LURAP1L: variants seen among roughly 807,000 people sequenced by gnomAD.
LURAP1L encodes the protein leucine rich adaptor protein 1 like.
LURAP1L carries 12 observed loss-of-function variants against 13.8 expected under a neutral mutation model. That is an observed-to-expected ratio of 0.87 (90% CI 0.56 to 1.41). LURAP1L has a LOEUF of 1.41. Among genes scored for constraint, LURAP1L ranks in the 40% most tolerant of loss-of-function variants. The probability of loss-of-function intolerance (pLI) is 0.00; values close to 1 mark genes in which losing one functional copy is unlikely to be tolerated. For missense variants in LURAP1L, 375 were observed against 292.9 expected (o/e 1.28, Z -2.04); for synonymous variants, 139 against 119.2 (o/e 1.17, Z -1.08).
chr9:12,822,418 T>C lies in LURAP1L; in HGVS notation c.*658T>C, dbSNP rs1480296280. ...CAGTGATTCTAACTCAAATCATATG[T>C]TTATTTGTGTAATAAAATGTATTAT... On this transcript the variant is annotated 3_prime_UTR_variant, in exon 2 of 2. Transcript: ENST00000319264. 1.3e-5 allele frequency among the ~76,000 whole-genome samples: 2 copies of C among 152,220 alleles called. No individual in the cohort carries two copies. Among genetic ancestry groups the C allele is most frequent in the Non-Finnish European group, 2.9e-5 (2 of 68,032 alleles).
At chr9:12,820,566 C>A (rs373734581) in intron 1 of LURAP1L, among the ~76,000 whole-genome samples, 1 of 138,146 alleles carries the variant, frequency 7.2e-6, no homozygotes, top group African/African-American at 2.7e-5. Context: ...AATTCTCAGA[C>A]CTTCCCAACA....
chr9:12,821,438 A>G lies in LURAP1L; in HGVS notation c.365A>G (p.Asn122Ser). ...VRLMRQLLVI[N>S]ESIESIKWMI... ...CTCATGCGCCAGTTGCTTGTAATCA[A>G]TGAGAGCATCGAGTCCATCAAGTGG... The change falls in exon 2 of 2, where the codon AAT (asparagine) becomes AGT (serine). Residue 122 changes from asparagine (N) to serine (S), a missense_variant. Transcript: ENST00000319264. 1.2e-6 allele frequency: 2 copies of G among 1,614,138 alleles called. No individual in the cohort carries two copies. Among genetic ancestry groups the G allele is most frequent in the Non-Finnish European group, 1.7e-6 (2 of 1,180,018 alleles).
rs145671197 is a variant in LURAP1L, at chr9:12,821,594, T to C, written c.521T>C (p.Leu174Pro). The C allele has an allele frequency of 1.3e-5, 21 of 1,614,068 alleles. No homozygotes were observed. The African/African-American group carries it at 2.5e-4, about 19-fold the overall frequency. Reference protein sequence around the residue: ...YNSLHDGSDGLDGISVGSYLD... With the variant: ...YNSLHDGSDGPDGISVGSYLD... Reference sequence around the variant, plus strand: ...AGCCTACACGATGGCAGTGATGGGCTGGATGGCATTTCCGTGGGAAGTTAT... The same window carrying C: ...AGCCTACACGATGGCAGTGATGGGCCGGATGGCATTTCCGTGGGAAGTTAT... The change falls in exon 2 of 2, where the codon CTG (leucine) becomes CCG (proline). Residue 174 changes from leucine (L) to proline (P), a missense_variant. Coordinates refer to ENST00000319264, the MANE Select transcript of LURAP1L (RefSeq NM_203403.2).
intron 1 of LURAP1L, among the ~76,000 whole-genome samples, chr9:12,814,809 T>G (rs989950313): frequency 3.1e-4 from 47 of 152,320 alleles, no homozygotes; most frequent in African/African-American, 9.6e-4. Flanking sequence ...TATAACGTTC[T>G]GGGAAAAGAG....
intron 1 of LURAP1L, among the ~76,000 whole-genome samples, chr9:12,813,107 A>G (rs372497276): frequency 3.8e-4 from 58 of 152,264 alleles, no homozygotes; most frequent in African/African-American, 1.4e-3. Flanking sequence ...AAATGCAATC[A>G]ATTAAGTAAA....
intron 1 of LURAP1L, among the ~76,000 whole-genome samples, chr9:12,816,799 T>C (rs987541018): frequency 1.3e-5 from 2 of 152,098 alleles, no homozygotes; most frequent in Non-Finnish European, 2.9e-5. Flanking sequence ...AGCTGAACCA[T>C]ATGACATAAA....
intron 1 of LURAP1L, among the ~76,000 whole-genome samples, chr9:12,784,129 A>G (rs2118469689): frequency 6.6e-6 from 1 of 152,210 alleles, no homozygotes; most frequent in Middle Eastern, 3.4e-3. Flanking sequence ...TAGCTTCCCA[A>G]ACCAGCTATT....
At chr9:12,815,761 C>T (rs986250903) in intron 1 of LURAP1L, among the ~76,000 whole-genome samples, 4 of 152,038 alleles carry the variant, frequency 2.6e-5, no homozygotes, top group Non-Finnish European at 5.9e-5. Flanking sequence ...AAAAAATGTC[C>T]CTATTTGGAA....
At chr9:12,793,685 T>C (rs1399881645) in intron 1 of LURAP1L, among the ~76,000 whole-genome samples, 1 of 152,078 alleles carries the variant, frequency 6.6e-6, no homozygotes, top group South Asian at 2.1e-4. Flanking sequence ...ATGACCATTG[T>C]GCATTATGAT....
At chr9:12,780,269 T>C (rs1453166463) in intron 1 of LURAP1L, among the ~76,000 whole-genome samples, 1 of 152,202 alleles carries the variant, frequency 6.6e-6, no homozygotes, top group African/African-American at 2.4e-5. Flanking sequence ...TCTCAAATGA[T>C]ATCAGTTGCA....
intron 1 of LURAP1L, among the ~76,000 whole-genome samples, chr9:12,796,345 T>C (rs543883263): frequency 6.6e-6 from 1 of 152,192 alleles, no homozygotes; most frequent in South Asian, 2.1e-4. Flanking sequence ...AAAAATTTTA[T>C]TCAAGCATTT....
chr9:12,803,820 C>G (rs188426801), intron 1 of LURAP1L, among the ~76,000 whole-genome samples: 52 of 152,224 alleles, frequency 3.4e-4, no homozygotes, highest in Admixed American at 1.4e-3. Flanking sequence ...AGAGATAAAG[C>G]ATAAAAATTT....
intron 1 of LURAP1L, among the ~76,000 whole-genome samples, chr9:12,804,995 T>C (rs1176095054): frequency 6.6e-6 from 1 of 152,126 alleles, no homozygotes; most frequent in African/African-American, 2.4e-5. Flanking sequence ...AAATTTAAGA[T>C]TAACTAATGT....
At chr9:12,804,931 C>CA (rs1819636181) in intron 1 of LURAP1L, among the ~76,000 whole-genome samples, 1 of 152,020 alleles carries the variant, frequency 6.6e-6, no homozygotes, top group Non-Finnish European at 1.5e-5. Flanking sequence ...TATTGGAACA[C>CA]AAACATGCTC....
chr9:12,817,544 G>A (rs1049833511), intron 1 of LURAP1L, among the ~76,000 whole-genome samples: 1 of 152,166 alleles, frequency 6.6e-6, no homozygotes, highest in East Asian at 1.9e-4. Flanking sequence ...CATGGGTATT[G>A]CATATTATGA....
chr9:12,792,055 C>A lies in LURAP1L; in HGVS notation c.312+16028C>A, dbSNP rs1490796750. Among the ~76,000 whole-genome samples the A allele has an allele frequency of 3.3e-5, 5 of 152,106 alleles. No homozygotes were observed. In the East Asian group the frequency reaches 9.6e-4, roughly 29 times the overall value. On this transcript the variant is annotated intron_variant, in intron 1 of 1. Transcript: ENST00000319264. The stretch of plus-strand genomic sequence containing the variant: ...AGCATAGGAGGGTTGATTAGAAGAA[C>A]ATGCCTTTAATTTCTCACCTTTCTA...
intron 1 of LURAP1L, among the ~76,000 whole-genome samples, chr9:12,793,170 C>T (rs552619800): frequency 6.6e-6 from 1 of 152,084 alleles, no homozygotes; most frequent in Admixed American, 6.6e-5. Flanking sequence ...TCATCCCCCT[C>T]CCTCCAATTA....
chr9:12,797,430 A>G (rs879807235), intron 1 of LURAP1L, among the ~76,000 whole-genome samples: 8 of 152,174 alleles, frequency 5.3e-5, no homozygotes, highest in Admixed American at 3.9e-4. Flanking sequence ...CTAAAAACTT[A>G]TATTTCTGAA....
chr9:12,793,338 T>C (rs1563890972), intron 1 of LURAP1L, among the ~76,000 whole-genome samples: 1 of 152,086 alleles, frequency 6.6e-6, no homozygotes, highest in Non-Finnish European at 1.5e-5. Flanking sequence ...TAGATGTCTG[T>C]TTTGATATGA....
Sources: allele counts gnomAD v4.1 joint callset (sites outside exome capture counted in the v4.1 genomes callset), GRCh38; gene constraint gnomAD v4.1.1; transcripts MANE v1.5; gene names NCBI Gene and HGNC (gene_info 2026-07-23, HGNC 2026-07-21).